Variants in WDFY4 observed in about 807,000 individuals in gnomAD.
The protein encoded by WDFY4 is WDFY family member 4, also known as WD repeat- and FYVE domain-containing protein 4.
A neutral mutation model predicts 351.9 loss-of-function variants in WDFY4; 169 were observed. That is an observed-to-expected ratio of 0.48 (90% CI 0.42 to 0.55). WDFY4 has a LOEUF of 0.55. Ranked by LOEUF, WDFY4 falls within the 20% of genes least tolerant of loss-of-function variation. The pLI is 0.00. For missense variants in WDFY4, 3,803 were observed against 3,935.6 expected (o/e 0.97, Z 0.90); for synonymous variants, 1,622 against 1,574.6 (o/e 1.03, Z -0.71).
chr10:48,755,529 T>C (rs1157353865), intron 12 of WDFY4, among the ~76,000 whole-genome samples: 1 of 152,210 alleles, frequency 6.6e-6, no homozygotes, highest in East Asian at 1.9e-4. Flanking sequence ...TTTTGTACCA[T>C]GTGTGAAGTT....
At position 48,743,366 on chromosome 10, in the gene WDFY4, G is replaced by T. The variant is rs1337683890; in HGVS notation, c.2277G>T (p.Arg759=). 6.4e-7 allele frequency: 1 copy of T among 1,551,598 alleles called. No individual in the cohort carries two copies. The highest frequency in any genetic ancestry group is 2.0e-5 in the Admixed American group (1 of 50,992). The change falls in exon 12 of 62, where the codon CGG becomes CGT. Residue 759 remains arginine (R), a synonymous_variant. Transcript: ENST00000325239. ...CCTCCAGCGGCTCACTCCCACCCCGGATACAGAGCTGCCTCCAGATCCTTG... is the reference window on the plus strand; with the variant it reads ...CCTCCAGCGGCTCACTCCCACCCCGTATACAGAGCTGCCTCCAGATCCTTG... ...AFSSSGSLPP[R]IQSCLQILGF...
At chr10:48,981,026 G>A (rs554102413) in intron 60 of WDFY4, among the ~76,000 whole-genome samples, 2 of 152,194 alleles carry the variant, frequency 1.3e-5, no homozygotes, top group African/African-American at 4.8e-5. Context: ...GCAAGGTATT[G>A]TGGGGCATCT....
In WDFY4 at chr10:48,803,356, C is replaced by G. The variant is rs1358336338; in HGVS notation, c.4481C>G (p.Pro1494Arg). Reference protein sequence around the residue: ...FSHLLEILQSPREGPRNAEAA... With the variant: ...FSHLLEILQSRREGPRNAEAA... ...CATCTTTTGGAAATCCTTCAATCAC[C>G]AAGGTAGGCTGGGTCTTGGCAGCCT... Residue 1494 changes from proline to arginine, a missense_variant, in exon 25 of 62, where the codon CCA (proline) becomes CGA (arginine). By Grantham distance (103) the Pro-to-Arg change is moderately radical (BLOSUM62 -2). Coordinates refer to ENST00000325239, the MANE Select transcript of WDFY4 (RefSeq NM_001394531.1). The G allele has an allele frequency of 2.6e-6, 4 of 1,551,750 alleles. No individual in the cohort carries two copies. Among genetic ancestry groups the G allele is most frequent in the Non-Finnish European group, 3.5e-6 (4 of 1,147,046 alleles).
chr10:48,860,829 T>A (rs2069313398), intron 39 of WDFY4, among the ~76,000 whole-genome samples: 1 of 152,230 alleles, frequency 6.6e-6, no homozygotes, highest in African/African-American at 2.4e-5. Context: ...TGAGGATTTC[T>A]TGTTATCCTT....
At chr10:48,915,729 C>T (rs187074824) in intron 47 of WDFY4, among the ~76,000 whole-genome samples, 1 of 152,306 alleles carries the variant, frequency 6.6e-6, no homozygotes, top group Non-Finnish European at 1.5e-5. Flanking sequence ...GGGTCCTACC[C>T]TGCGAAAGGC....
At chr10:48,809,580 C>T (rs1332928123) in intron 28 of WDFY4, among the ~76,000 whole-genome samples, 1 of 151,638 alleles carries the variant, frequency 6.6e-6, no homozygotes, top group Non-Finnish European at 1.5e-5. Flanking sequence ...ATCAACATCA[C>T]CACCACCATC....
chr10:48,881,677 C>T (rs1216601743), intron 43 of WDFY4, among the ~76,000 whole-genome samples: 2 of 152,188 alleles, frequency 1.3e-5, no homozygotes, highest in Non-Finnish European at 2.9e-5. Context: ...CAGAGGAGCA[C>T]CCTTCTGCTC....
At chr10:48,959,640 C>T in intron 52 of WDFY4, 82 bp from the exon 53 acceptor site, 2 of 1,289,016 alleles carry the variant, frequency 1.6e-6, no homozygotes, top group South Asian at 2.6e-5. Flanking sequence ...ATCAGCAATC[C>T]TGGGCAATGT....
chr10:48,932,164 A>T lies in WDFY4; in HGVS notation c.7587-9642A>T, dbSNP rs975643406. On this transcript the variant is annotated intron_variant, in intron 47 of 61. Transcript: ENST00000325239. Reference sequence around the variant, plus strand: ...GAGTGAATGAGGTGATAAAAATGTTAGGTGACCAGTGTTCAGTGGGCACTC... The same window carrying T: ...GAGTGAATGAGGTGATAAAAATGTTTGGTGACCAGTGTTCAGTGGGCACTC... 3.9e-5 allele frequency among the ~76,000 whole-genome samples: 6 copies of T among 152,330 alleles called. No individual in the cohort carries two copies. In the South Asian group the frequency reaches 1.2e-3, roughly 32 times the overall value.
chr10:48,737,002 T>C (rs1433036007), intron 11 of WDFY4, among the ~76,000 whole-genome samples: 2 of 152,262 alleles, frequency 1.3e-5, no homozygotes, highest in Admixed American at 6.5e-5. Flanking sequence ...ATAACAAATA[T>C]CATTCTTGCC....
chr10:48,820,135 T>C lies in WDFY4; in HGVS notation c.5506-99T>C, dbSNP rs1046618044. The C allele has an allele frequency of 2.3e-6, 3 of 1,322,780 alleles. No homozygotes were observed. The African/African-American group carries it at 4.4e-5, about 19-fold the overall frequency. The allele number at this position is 1,322,780 out of a possible 1,614,324, so 81.9% of individuals were successfully genotyped here. A position where few individuals can be genotyped will look rare whatever the true frequency, so the allele number is the denominator to read the frequency against. The stretch of plus-strand genomic sequence containing the variant: ...GAGCCTCAATTTCCGTACATGTCAC[T>C]GGGCATGACAATAATCCGCCCATGT... On this transcript the variant is annotated intron_variant, in intron 32 of 61. Transcript: ENST00000325239.
intron 30 of WDFY4, 22 bp from the exon 31 acceptor site, chr10:48,813,935 C>T (rs904977420): frequency 1.3e-5 from 19 of 1,514,476 alleles, no homozygotes; most frequent in African/African-American, 4.2e-5. Context: ...GGTCTGCTTA[C>T]AGCTCCTGCC....
chr10:48,876,641 G>GA (rs1263089473), intron 42 of WDFY4, among the ~76,000 whole-genome samples: 1 of 152,076 alleles, frequency 6.6e-6, no homozygotes, highest in Non-Finnish European at 1.5e-5. Context: ...TCTATCATGA[G>GA]AAAAAACAGC....
At chr10:48,900,132 G>C in intron 45 of WDFY4, 89 bp from the exon 46 acceptor site, 1 of 1,172,612 alleles carries the variant, frequency 8.5e-7, no homozygotes, top group Non-Finnish European at 1.2e-6. Flanking sequence ...ACGGAGACCC[G>C]CAATGACCCA....
At position 48,922,007 on chromosome 10, in the gene WDFY4, C is replaced by T. The variant is rs187191740; in HGVS notation, c.7587-19799C>T. Among the ~76,000 whole-genome samples, 329 of 152,250 alleles carry T rather than the reference C, an allele frequency of 2.2e-3. 1 individual carries two copies. Among genetic ancestry groups the T allele is most frequent in the African/African-American group, 7.7e-3 (319 of 41,554 alleles). On this transcript the variant is annotated intron_variant, in intron 47 of 61. Transcript: ENST00000325239. The stretch of plus-strand genomic sequence containing the variant: ...GTAAAATTCCATGTTCATACTGAAA[C>T]CTGTTCACAGGTATTTATAGCTGCT...
Position 48,817,381 on chromosome 10 carries a change from T to C in WDFY4, c.5477T>C (p.Ile1826Thr). 6.4e-7 allele frequency: 1 copy of C among 1,551,220 alleles called. No homozygotes were observed. The highest frequency in any genetic ancestry group is 8.7e-7 in the Non-Finnish European group (1 of 1,146,656). The change falls in exon 32 of 62, where the codon ATA (isoleucine) becomes ACA (threonine). Residue 1826 changes from isoleucine to threonine, a missense_variant. Coordinates refer to ENST00000325239, the MANE Select transcript of WDFY4 (RefSeq NM_001394531.1). ...RAPEFLQTLA[I>T]AAFPLGAQKG... ...CCGGAGTTCCTCCAGACCTTGGCCA[T>C]AGCCGCCTTCCCCCTGGGAGCCCAA...
intron 35 of WDFY4, among the ~76,000 whole-genome samples, chr10:48,824,361 A>G (rs2067926456): frequency 6.6e-6 from 1 of 152,236 alleles, no homozygotes; most frequent in Admixed American, 6.5e-5. Flanking sequence ...CTGGAATACT[A>G]TAAGTATTCT....
chr10:48,722,117 C>G (rs1052739465), intron 4 of WDFY4, among the ~76,000 whole-genome samples: 3 of 152,196 alleles, frequency 2.0e-5, no homozygotes, highest in Non-Finnish European at 2.9e-5. Flanking sequence ...TGGGCATTTG[C>G]AGCCGTGCTT....
At chr10:48,687,970 A>G (rs989586296) in intron 1 of WDFY4, among the ~76,000 whole-genome samples, 12 of 152,008 alleles carry the variant, frequency 7.9e-5, no homozygotes, top group Admixed American at 2.0e-4. Flanking sequence ...TTTAGTAGGG[A>G]TGGGGTTTCA....
Sources: gnomAD v4.1 joint callset for allele counts (sites outside exome capture counted in the v4.1 genomes callset) on GRCh38, gnomAD v4.1.1 for gene constraint, MANE v1.5 for transcripts, NCBI Gene and HGNC (gene_info 2026-07-23, HGNC 2026-07-21) for gene names.